ARHGAP6: variants seen among roughly 807,000 people sequenced by gnomAD.
The protein encoded by ARHGAP6 is Rho GTPase activating protein 6.
In ARHGAP6, 16 loss-of-function variants were observed where a neutral mutation model predicts 55.7. The observed-to-expected ratio is 0.29, with a 90% CI of 0.19 to 0.44. The LOEUF is 0.44. Ranked by LOEUF, ARHGAP6 falls within the 20% of genes least tolerant of loss-of-function variation. The pLI is 1.00. For synonymous variants in ARHGAP6, 382 were observed against 360.9 expected (o/e 1.06, Z -0.66); for missense variants, 698 against 808.9 (o/e 0.86, Z 1.66).
intron 1 of ARHGAP6, among the ~76,000 whole-genome samples, chrX:11,521,671 G>T: frequency 9.0e-6 from 1 of 111,219 alleles, no homozygotes; most frequent in Admixed American, 9.6e-5. Context: ...GAACTTTAAA[G>T]TAGTTTTTTC....
chrX:11,289,892 G>A (rs2047965560), intron 1 of ARHGAP6, among the ~76,000 whole-genome samples: 1 of 111,827 alleles, frequency 8.9e-6, no homozygotes, highest in Non-Finnish European at 1.9e-5. Flanking sequence ...GGCTGAGGCA[G>A]GAGAGTCACT....
At chrX:11,414,498 C>A (rs766110568) in intron 1 of ARHGAP6, among the ~76,000 whole-genome samples, 1 of 108,617 alleles carries the variant, frequency 9.2e-6, no homozygotes, top group Non-Finnish European at 1.9e-5. Context: ...AAGAACTGAG[C>A]TACCGTAATA....
chrX:11,169,149 G>A, intron 9 of ARHGAP6: 1 of 140,847 alleles, frequency 7.1e-6, no homozygotes, highest in Non-Finnish European at 1.4e-5. Flanking sequence ...TGAAACCACT[G>A]AGGATGCTTA....
At chrX:11,417,059 C>CATATATATATATATATATATATATAT (rs768174897) in intron 1 of ARHGAP6, among the ~76,000 whole-genome samples, 1 of 33,379 alleles carries the variant, frequency 3.0e-5, no homozygotes, top group East Asian at 7.1e-4. Context: ...TGGGTGTGTA[C>CATATATATATATATATATATATATAT]ATATATATAT....
intron 1 of ARHGAP6, among the ~76,000 whole-genome samples, chrX:11,347,041 T>C (rs2048798548): frequency 1.8e-5 from 2 of 112,301 alleles, no homozygotes; most frequent in Admixed American, 9.4e-5. Context: ...CACTGTTTGA[T>C]AGTCTCTCAA....
chrX:11,169,619 C>T lies in ARHGAP6; in HGVS notation c.1695G>A (p.Lys565=). ...ATIFGPNLLH[K]QKSSDKEFSV... ...AGAATTCTTTGTCTGATGACTTCTG[C>T]TTGTGCAGCAGGTTGGGTCCAAATA... is the stretch of plus-strand genomic sequence containing the variant. Residue 565 remains lysine (K), a synonymous_variant, in exon 9 of 13, where the codon AAG becomes AAA. Transcript: ENST00000337414. The T allele has an allele frequency of 1.7e-6, 2 of 1,208,386 alleles. No homozygotes were observed. The highest frequency in any genetic ancestry group is 2.2e-6 in the Non-Finnish European group (2 of 893,941).
rs760674754 is a variant in ARHGAP6 at position 11,273,493 on chromosome X, T to C, written c.589-18786A>G. Among the ~76,000 whole-genome samples the C allele has an allele frequency of 3.6e-5, 4 of 110,577 alleles. 1 individual carries two copies. The South Asian group carries it at 1.2e-3, about 32-fold the overall frequency. On this transcript the variant is annotated intron_variant, in intron 1 of 12. Transcript: ENST00000337414. ...AAGAACATGATGTCCAATGTTCAAG[T>C]ACATAATCGCTTTGTTGACCTTTTG...
chrX:11,576,892 T>G (rs1601662634), intron 1 of ARHGAP6, among the ~76,000 whole-genome samples: 1 of 111,668 alleles, frequency 9.0e-6, no homozygotes, highest in African/African-American at 3.3e-5. Context: ...CCCCTTTTTT[T>G]GTCATTGTCC....
chrX:11,210,713 A>G (rs933090551), intron 2 of ARHGAP6, among the ~76,000 whole-genome samples: 7 of 112,394 alleles, frequency 6.2e-5, no homozygotes, highest in African/African-American at 2.3e-4. Flanking sequence ...AAATTTAAAA[A>G]TGAAGCAGTT....
intron 1 of ARHGAP6, among the ~76,000 whole-genome samples, chrX:11,408,913 ACACACACACACACG>A (rs1197695951): frequency 3.7e-5 from 4 of 109,559 alleles, no homozygotes; most frequent in Non-Finnish European, 3.8e-5. Context: ...ACACATACAC[ACACACACACACACG>A]CACACACACA....
chrX:11,319,959 T>C (rs951248788), intron 1 of ARHGAP6, among the ~76,000 whole-genome samples: 1 of 112,209 alleles, frequency 8.9e-6, no homozygotes, highest in Non-Finnish European at 1.9e-5. Context: ...GGGGAAAATA[T>C]CACACAGAAA....
At chrX:11,156,321 T>C (rs1199210265) in intron 10 of ARHGAP6, among the ~76,000 whole-genome samples, 1 of 111,918 alleles carries the variant, frequency 8.9e-6, no homozygotes, top group Non-Finnish European at 1.9e-5. Flanking sequence ...AACAGAAAAA[T>C]CTTGTAATGT....
intron 9 of ARHGAP6, among the ~76,000 whole-genome samples, chrX:11,165,645 TG>T (rs1352764973): frequency 8.9e-6 from 1 of 112,123 alleles, no homozygotes; most frequent in African/African-American, 3.2e-5. Flanking sequence ...AAGTTAACTG[TG>T]GGGCCCAAGA....
At chrX:11,583,392 G>A (rs1199814070) in intron 1 of ARHGAP6, among the ~76,000 whole-genome samples, 1 of 111,971 alleles carries the variant, frequency 8.9e-6, no homozygotes, top group African/African-American at 3.2e-5. Context: ...TAAGCCACAA[G>A]GGCTATTCGA....
chrX:11,569,371 A>G (rs2051485525), intron 1 of ARHGAP6, among the ~76,000 whole-genome samples: 1 of 111,703 alleles, frequency 9.0e-6, no homozygotes, highest in Admixed American at 9.5e-5. Context: ...AAAGGTTAAC[A>G]TGGAAAGCAA....
At chrX:11,599,613 C>T (rs2051946403) in intron 1 of ARHGAP6, among the ~76,000 whole-genome samples, 1 of 111,720 alleles carries the variant, frequency 9.0e-6, no homozygotes, top group South Asian at 3.8e-4. Flanking sequence ...TGGTAGTTTT[C>T]AGGGGCTGGG....
At chrX:11,368,926 G>C (rs942154347) in intron 1 of ARHGAP6, among the ~76,000 whole-genome samples, 1 of 111,964 alleles carries the variant, frequency 8.9e-6, no homozygotes, top group African/African-American at 3.2e-5. Flanking sequence ...TATTTTGGTA[G>C]ATTCTCACCA....
chrX:11,191,293 T>A (rs1411240361), intron 3 of ARHGAP6, among the ~76,000 whole-genome samples: 1 of 111,686 alleles, frequency 9.0e-6, no homozygotes, highest in Non-Finnish European at 1.9e-5. Flanking sequence ...GCTCAATTTG[T>A]CTCACTCCAG....
chrX:11,354,289 C>T (rs907786426), intron 1 of ARHGAP6, among the ~76,000 whole-genome samples: 5 of 73,053 alleles, frequency 6.8e-5, no homozygotes, highest in African/African-American at 2.1e-4. Context: ...CTCTCTCTCT[C>T]TCTCTTTCTC....
Sources: gnomAD v4.1 joint callset for allele counts (sites outside exome capture counted in the v4.1 genomes callset) on GRCh38, gnomAD v4.1.1 for gene constraint, MANE v1.5 for transcripts, NCBI Gene and HGNC (gene_info 2026-07-23, HGNC 2026-07-21) for gene names.